The following CPAP variants were observed in gnomAD, a reference collection of about 807,000 sequenced individuals.
CPAP encodes centrosome assembly and centriole elongation protein, also known as centrosomal P4.1-associated protein.
chr13:24,928,890 T>A, the CPAP span, among the ~76,000 whole-genome samples: 1 of 152,206 alleles, frequency 6.6e-6, no homozygotes, highest in Non-Finnish European at 1.5e-5. Flanking sequence ...ATCCACTATA[T>A]TCTAGAATGC....
At chr13:24,905,566 T>C in the CPAP span, 2 of 1,614,218 alleles carry the variant, frequency 1.2e-6, no homozygotes, top group East Asian at 2.2e-5. Flanking sequence ...TAGGGTAGCA[T>C]GTCTGCGGCG....
At chr13:24,908,822 T>C in the CPAP span, among the ~76,000 whole-genome samples, 1 of 152,196 alleles carries the variant, frequency 6.6e-6, no homozygotes, top group South Asian at 2.1e-4. Context: ...TGGACTTGAA[T>C]ATTAAGGAAT....
the CPAP span, chr13:24,912,616 G>C: frequency 6.2e-7 from 1 of 1,613,688 alleles, no homozygotes; most frequent in Non-Finnish European, 8.5e-7. Context: ...GTCTTTATAA[G>C]CCCCTTCTTT....
the CPAP span, among the ~76,000 whole-genome samples, chr13:24,926,189 C>T: frequency 0.14 from 21,554 of 152,094 alleles, 2,022 homozygotes; most frequent in Admixed American, 0.26. Context: ...AGAGACTGTG[C>T]GGGAAGTAAG....
chr13:24,905,990 G>A, the CPAP span: 1 of 1,614,114 alleles, frequency 6.2e-7, no homozygotes. Flanking sequence ...CTGATTTTCA[G>A]AAGTGCTCTT....
chr13:24,887,192 C>G, the CPAP span, among the ~76,000 whole-genome samples: 7 of 152,108 alleles, frequency 4.6e-5, no homozygotes, highest in African/African-American at 1.7e-4. Context: ...TTAGGTTCAT[C>G]AAAAGATACT....
At chr13:24,915,785 G>T in the CPAP span, among the ~76,000 whole-genome samples, 1 of 151,712 alleles carries the variant, frequency 6.6e-6, no homozygotes, top group Non-Finnish European at 1.5e-5. Flanking sequence ...GGCAACAAGT[G>T]CAAGACTCCA....
At chr13:24,885,364 A>G in the CPAP span, 7 of 1,613,758 alleles carry the variant, frequency 4.3e-6, no homozygotes, top group African/African-American at 2.7e-5. Flanking sequence ...CAGTGGTTCA[A>G]GTGGCTCCCT....
At chr13:24,925,222 T>C in the CPAP span, among the ~76,000 whole-genome samples, 804 of 152,294 alleles carry the variant, frequency 5.3e-3, 21 homozygotes, top group East Asian at 0.08. Flanking sequence ...AGCAGTCCTC[T>C]CACCTTGGCC....
the CPAP span, among the ~76,000 whole-genome samples, chr13:24,889,871 C>G: frequency 6.6e-6 from 1 of 151,946 alleles, no homozygotes; most frequent in Non-Finnish European, 1.5e-5. Context: ...CCAAATCAAG[C>G]CCCAATACTA....
At chr13:24,919,244 C>T in the CPAP span, among the ~76,000 whole-genome samples, 1 of 152,150 alleles carries the variant, frequency 6.6e-6, no homozygotes, top group Non-Finnish European at 1.5e-5. Context: ...CTATTACCAT[C>T]CAGGTTCAAA....
chr13:24,907,494 T>C, the CPAP span, among the ~76,000 whole-genome samples: 4 of 152,168 alleles, frequency 2.6e-5, no homozygotes, highest in African/African-American at 4.8e-5. Context: ...ATTTCAAAAA[T>C]AGATCACTAA....
chr13:24,898,150 C>G, the CPAP span, among the ~76,000 whole-genome samples: 10 of 152,176 alleles, frequency 6.6e-5, no homozygotes, highest in African/African-American at 2.4e-4. Context: ...CCTGCCTTGG[C>G]TTCCCAAAGT....
the CPAP span, chr13:24,912,076 A>T: frequency 6.2e-7 from 1 of 1,612,098 alleles, no homozygotes; most frequent in Non-Finnish European, 8.5e-7. Context: ...TCAGCTTTTT[A>T]AATACAAAAT....
chr13:24,882,874 G>GTT, the CPAP span: 1 of 360,490 alleles, frequency 2.8e-6, no homozygotes, highest in Non-Finnish European at 5.2e-6. Context: ...GTACTTCTTG[G>GTT]TTTTTTTTTA....
At chr13:24,911,449 T>G in the CPAP span, among the ~76,000 whole-genome samples, 1 of 152,146 alleles carries the variant, frequency 6.6e-6, no homozygotes, top group Non-Finnish European at 1.5e-5. Flanking sequence ...CTACATGTAT[T>G]TACCTTCATG....
the CPAP span, among the ~76,000 whole-genome samples, chr13:24,895,451 G>A: frequency 6.6e-6 from 1 of 152,180 alleles, no homozygotes; most frequent in Non-Finnish European, 1.5e-5. Context: ...GGTGGCGGGT[G>A]CCTGTAGTCC....
chr13:24,919,897 G>A, the CPAP span, among the ~76,000 whole-genome samples: 1 of 152,064 alleles, frequency 6.6e-6, no homozygotes, highest in Non-Finnish European at 1.5e-5. Flanking sequence ...CAGAGTAGCT[G>A]GGCCTACAGG....
chr13:24,899,176 G>T, the CPAP span, among the ~76,000 whole-genome samples: 1 of 152,176 alleles, frequency 6.6e-6, no homozygotes, highest in Non-Finnish European at 1.5e-5. Context: ...ATTCATCCAT[G>T]ACATTATCGT....
Sources: gnomAD v4.1 joint callset for allele counts (sites outside exome capture counted in the v4.1 genomes callset) on GRCh38, gnomAD v4.1.1 for gene constraint, MANE v1.5 for transcripts, NCBI Gene and HGNC (gene_info 2026-07-23, HGNC 2026-07-21) for gene names.